Variants in ENTREP2 observed in about 807,000 individuals in gnomAD.
The protein encoded by ENTREP2 is protein ENTREP2.
chr15:29,448,860 A>G, the ENTREP2 span, among the ~76,000 whole-genome samples: 37 of 152,292 alleles, frequency 2.4e-4, no homozygotes, highest in Non-Finnish European at 1.5e-5. Context: ...TCAATCTGAA[A>G]GTATAAAAGA....
chr15:29,237,325 G>A, the ENTREP2 span, among the ~76,000 whole-genome samples: 8 of 151,980 alleles, frequency 5.3e-5, no homozygotes, highest in East Asian at 9.7e-4. Context: ...GTGGATTTTC[G>A]GAGACCTGGT....
the ENTREP2 span, among the ~76,000 whole-genome samples, chr15:29,192,878 A>G: frequency 1.3e-5 from 2 of 152,346 alleles, no homozygotes; most frequent in Middle Eastern, 3.4e-3. Flanking sequence ...ACATCTAAGC[A>G]GACGTAGTAA....
At chr15:29,454,667 C>G in the ENTREP2 span, among the ~76,000 whole-genome samples, 1 of 152,160 alleles carries the variant, frequency 6.6e-6, no homozygotes, top group African/African-American at 2.4e-5. Flanking sequence ...GTGATCCCTG[C>G]AGGTCCAGCC....
chr15:29,422,154 C>G, the ENTREP2 span, among the ~76,000 whole-genome samples: 1 of 152,198 alleles, frequency 6.6e-6, no homozygotes, highest in East Asian at 1.9e-4. Context: ...CCTGTAATAC[C>G]TGTTACTCTG....
At chr15:29,597,859 T>C in the ENTREP2 span, among the ~76,000 whole-genome samples, 18 of 152,204 alleles carry the variant, frequency 1.2e-4, no homozygotes, top group Admixed American at 7.9e-4. Context: ...CAGTGGCTCA[T>C]GTCTGTAATC....
At chr15:29,321,174 C>G in the ENTREP2 span, among the ~76,000 whole-genome samples, 1 of 152,000 alleles carries the variant, frequency 6.6e-6, no homozygotes, top group African/African-American at 2.4e-5. Context: ...AAGCCAAAGT[C>G]CAAGAGAAGA....
At chr15:29,653,704 A>C in the ENTREP2 span, among the ~76,000 whole-genome samples, 2 of 152,040 alleles carry the variant, frequency 1.3e-5, no homozygotes, top group Non-Finnish European at 2.9e-5. Context: ...AGTCAATTAA[A>C]CCTCTTTCCT....
chr15:29,222,943 G>C, the ENTREP2 span, among the ~76,000 whole-genome samples: 3 of 152,220 alleles, frequency 2.0e-5, no homozygotes, highest in Non-Finnish European at 2.9e-5. Context: ...ATGACTTTCA[G>C]AGCTATACAG....
chr15:29,317,304 C>G, the ENTREP2 span, among the ~76,000 whole-genome samples: 1 of 152,188 alleles, frequency 6.6e-6, no homozygotes, highest in Non-Finnish European at 1.5e-5. Flanking sequence ...GTACCTAAAA[C>G]TTTGCTGACA....
the ENTREP2 span, among the ~76,000 whole-genome samples, chr15:29,395,966 C>A: frequency 6.6e-6 from 1 of 152,116 alleles, no homozygotes; most frequent in African/African-American, 2.4e-5. Context: ...TGAAGCTTTC[C>A]TCCCAGCTTT....
chr15:29,422,686 T>C, the ENTREP2 span, among the ~76,000 whole-genome samples: 1 of 152,174 alleles, frequency 6.6e-6, no homozygotes, highest in Non-Finnish European at 1.5e-5. Flanking sequence ...TCAGTAAATT[T>C]ATCTGGACAA....
chr15:29,608,739 T>C, the ENTREP2 span, among the ~76,000 whole-genome samples: 1 of 151,700 alleles, frequency 6.6e-6, no homozygotes, highest in Non-Finnish European at 1.5e-5. Flanking sequence ...GCTAATTTTT[T>C]TGTATTTTTA....
the ENTREP2 span, among the ~76,000 whole-genome samples, chr15:29,224,143 G>C: frequency 3.9e-5 from 6 of 152,208 alleles, no homozygotes; most frequent in African/African-American, 1.4e-4. Context: ...TGGTGGGTTC[G>C]TGGTCTCGCT....
chr15:29,262,896 G>C, the ENTREP2 span, among the ~76,000 whole-genome samples: 1 of 152,162 alleles, frequency 6.6e-6, no homozygotes, highest in African/African-American at 2.4e-5. Context: ...TGAATTGGAG[G>C]ACACCCAGCT....
At chr15:29,286,838 C>CT in the ENTREP2 span, among the ~76,000 whole-genome samples, 1 of 152,220 alleles carries the variant, frequency 6.6e-6, no homozygotes, top group Non-Finnish European at 1.5e-5. Flanking sequence ...TTGTCTTGCC[C>CT]TTAGCATGAG....
At chr15:29,324,744 G>A in the ENTREP2 span, among the ~76,000 whole-genome samples, 202 of 152,216 alleles carry the variant, frequency 1.3e-3, 1 homozygote, top group African/African-American at 4.6e-3. Flanking sequence ...AAAACAGAGC[G>A]TCAAAATACA....
the ENTREP2 span, among the ~76,000 whole-genome samples, chr15:29,552,038 G>A: frequency 7.9e-5 from 12 of 152,160 alleles, no homozygotes; most frequent in Non-Finnish European, 1.6e-4. Context: ...ATGCTTAAAC[G>A]TGACAATGTC....
the ENTREP2 span, among the ~76,000 whole-genome samples, chr15:29,448,559 T>C: frequency 3.3e-5 from 5 of 152,184 alleles, no homozygotes; most frequent in African/African-American, 1.2e-4. Flanking sequence ...GACACTAACC[T>C]ATGAAACTAA....
chr15:29,584,443 A>ATATGTG, the ENTREP2 span, among the ~76,000 whole-genome samples: 1 of 138,738 alleles, frequency 7.2e-6, no homozygotes, highest in African/African-American at 3.0e-5. Context: ...GTGTGTGTGC[A>ATATGTG]TGTGTGTGTG....
Sources: allele counts gnomAD v4.1 joint callset (sites outside exome capture counted in the v4.1 genomes callset), GRCh38; gene constraint gnomAD v4.1.1; transcripts MANE v1.5; gene names NCBI Gene and HGNC (gene_info 2026-07-23, HGNC 2026-07-21).